MTMR1: variants seen among roughly 807,000 people sequenced by gnomAD.
MTMR1 encodes phosphatidylinositol-3-phosphate phosphatase MTMR1.
Under a neutral mutation model 51.6 loss-of-function variants are expected in MTMR1, and 17 were observed. The ratio of observed to expected loss-of-function variants is 0.33; its 90% CI spans 0.23 to 0.49. MTMR1 has a LOEUF of 0.49. Among genes scored for constraint, MTMR1 ranks in the 20% least tolerant of loss-of-function variants. The pLI, the probability that MTMR1 is intolerant of heterozygous loss-of-function variation, is 0.99. For synonymous variants in MTMR1, 201 were observed against 205.6 expected (o/e 0.98, Z 0.19); for missense variants, 386 against 526.9 (o/e 0.73, Z 2.62).
chrX:150,698,678 G>GCACACACACA (rs1444236629), intron 1 of MTMR1, among the ~76,000 whole-genome samples: 59 of 70,799 alleles, frequency 8.3e-4, no homozygotes, highest in South Asian at 2.7e-3. Flanking sequence ...CTACACGCGC[G>GCACACACACA]CGCACACACA....
In MTMR1 at chrX:150,745,099, C is replaced by T. The variant is rs193047861; in HGVS notation, c.1566+646C>T. Among the ~76,000 whole-genome samples, 3 of 112,634 alleles carry T rather than the reference C, an allele frequency of 2.7e-5. No homozygotes were observed. In the East Asian group the frequency reaches 8.4e-4, roughly 31 times the overall value. On this transcript the variant is annotated intron_variant, in intron 13 of 15. Transcript: ENST00000445323. ...GTAGGCCATAAGGCCATAGTTCCTGCACTGTTTTGTTGTCGTTGTTTTCCC... is the reference window on the plus strand; with the variant it reads ...GTAGGCCATAAGGCCATAGTTCCTGTACTGTTTTGTTGTCGTTGTTTTCCC...
At chrX:150,750,381 T>A (rs921988723) in intron 13 of MTMR1, among the ~76,000 whole-genome samples, 1 of 112,059 alleles carries the variant, frequency 8.9e-6, no homozygotes, top group Non-Finnish European at 1.9e-5. Flanking sequence ...CAGTACTGCC[T>A]GTTGCCAGTG....
In MTMR1 at chrX:150,757,817, G is replaced by A. The variant is rs182310251; in HGVS notation, c.1857+1952G>A. Reference sequence around the variant, plus strand: ...CTTGTGCTGCCCTGGAGCCTTTCCCGTTGAGCGCCCTCTTCCCTGCTCACC... The same window carrying A: ...CTTGTGCTGCCCTGGAGCCTTTCCCATTGAGCGCCCTCTTCCCTGCTCACC... On this transcript the variant is annotated intron_variant, in intron 15 of 15. Transcript: ENST00000445323. 5.7e-3 allele frequency among the ~76,000 whole-genome samples: 642 copies of A among 111,859 alleles called. 1 individual carries two copies. The highest frequency in any genetic ancestry group is 0.032 in the Middle Eastern group (7 of 217).
chrX:150,755,228 A>G (rs2042871369), intron 14 of MTMR1, among the ~76,000 whole-genome samples: 1 of 110,756 alleles, frequency 9.0e-6, no homozygotes, highest in Non-Finnish European at 1.9e-5. Flanking sequence ...TTTTTTTTGT[A>G]GAGACAAAGT....
In MTMR1 at chrX:150,695,976, G is replaced by A. The variant is rs782437952; in HGVS notation, c.146+2300G>A. ...CCAAGGCAAACCTCAGCTTTCTAGC[G>A]TGTGGGGGCCGGATAACTGGCTGTG... On this transcript the variant is annotated intron_variant, in intron 1 of 15. Coordinates refer to ENST00000445323, the MANE Select transcript of MTMR1 (RefSeq NM_001306144.3). 4.5e-5 allele frequency among the ~76,000 whole-genome samples: 5 copies of A among 112,025 alleles called. No homozygotes were observed. The South Asian group carries it at 1.5e-3, about 33-fold the overall frequency.
chrX:150,757,218 A>G (rs782000359), intron 15 of MTMR1, among the ~76,000 whole-genome samples: 7 of 112,068 alleles, frequency 6.2e-5, no homozygotes, highest in East Asian at 2.8e-4. Context: ...ATACGTCACT[A>G]TAGTACCCCG....
chrX:150,712,363 A>G lies in MTMR1; in HGVS notation c.274A>G (p.Arg92Gly), dbSNP rs2041343097. The G allele has an allele frequency of 2.6e-6, 3 of 1,165,016 alleles. No homozygotes were observed. The highest frequency in any genetic ancestry group is 3.4e-6 in the Non-Finnish European group (3 of 871,611). ...ACAGGTTTTCAGGAGGCCTGATCTA[A>G]GGGTAAGGATATTTGGCTTTCAGCG... ...DYKVFRRPDL[R>G]ALRDGNKLAQ... is the part of the protein sequence containing the mutation. The change falls in exon 3 of 16, where the codon AGG becomes GGG. Residue 92 changes from arginine (R) to glycine (G), a missense_variant and splice_region_variant. Arg to Gly is a moderately radical substitution (Grantham distance 125). Transcript: ENST00000445323.
intron 6 of MTMR1, among the ~76,000 whole-genome samples, chrX:150,729,330 T>C (rs1422620877): frequency 8.9e-6 from 1 of 111,841 alleles, no homozygotes; most frequent in African/African-American, 3.3e-5. Flanking sequence ...CCAAGGTGTA[T>C]GTGTGTAGCC....
At chrX:150,733,210 C>A (rs1368762678) in intron 10 of MTMR1, among the ~76,000 whole-genome samples, 2 of 111,438 alleles carry the variant, frequency 1.8e-5, no homozygotes, top group Non-Finnish European at 3.8e-5. Flanking sequence ...AAAACACCTC[C>A]GTTCCCATGA....
chrX:150,765,037 T>TAATA lies in MTMR1; in HGVS notation c.*2309_*2312dup, dbSNP rs1184636818. 4 of 110,965 alleles carry TAATA rather than the reference T, an allele frequency of 3.6e-5. No individual in the cohort carries two copies. The East Asian group carries it at 1.1e-3, about 31-fold the overall frequency. The allele number at this position is 110,965 out of a possible 1,213,427, so 9.1% of individuals were successfully genotyped here. ...ATGTTTACTGTGCGTCAAGCACAGTTAATATATGATGATGTAAAGTAACTA... is the reference window on the plus strand; with the variant it reads ...ATGTTTACTGTGCGTCAAGCACAGTTAATAAATATATGATGATGTAAAGTAACTA... On this transcript the variant is annotated 3_prime_UTR_variant, in exon 16 of 16. Transcript: ENST00000445323.
chrX:150,744,794 G>C (rs1307708378), intron 13 of MTMR1, among the ~76,000 whole-genome samples: 1 of 112,007 alleles, frequency 8.9e-6, no homozygotes, highest in Non-Finnish European at 1.9e-5. Flanking sequence ...GATTTGGCCA[G>C]ATGTTAGAAA....
At chrX:150,741,088 G>A (rs1362004698) in intron 12 of MTMR1, among the ~76,000 whole-genome samples, 1 of 111,985 alleles carries the variant, frequency 8.9e-6, no homozygotes, top group East Asian at 2.8e-4. Flanking sequence ...ACCTAGCTCT[G>A]TCTAATCCAT....
At chrX:150,755,048 G>C (rs1182287249) in intron 14 of MTMR1, among the ~76,000 whole-genome samples, 3 of 103,616 alleles carry the variant, frequency 2.9e-5, no homozygotes, top group Non-Finnish European at 5.9e-5. Flanking sequence ...AAAAAAAGGA[G>C]TCACAAAAGC....
chrX:150,709,532 A>G (rs369695043), intron 2 of MTMR1, among the ~76,000 whole-genome samples: 2 of 112,305 alleles, frequency 1.8e-5, no homozygotes, highest in South Asian at 3.7e-4. Flanking sequence ...TCACGTTGCT[A>G]TAAAGAAATA....
chrX:150,760,944 AAAAAG>A (rs2043103653), intron 15 of MTMR1, among the ~76,000 whole-genome samples: 1 of 109,365 alleles, frequency 9.1e-6, no homozygotes, highest in Non-Finnish European at 1.9e-5. Context: ...AAAAAAAAAA[AAAAAG>A]AAAAAGAAAA....
intron 15 of MTMR1, among the ~76,000 whole-genome samples, chrX:150,759,443 A>G (rs782697455): frequency 2.2e-4 from 25 of 111,421 alleles, no homozygotes; most frequent in Non-Finnish European, 3.8e-4. Context: ...AGAAAATCCA[A>G]CAGAACCATG....
In MTMR1 at chrX:150,729,784, C is replaced by T. The variant is rs184117323; in HGVS notation, c.556-325C>T. ...CTGTAATCCCAGCACTTTGGAAGGC[C>T]GAGGCAGTTGGATTACGTGAGGTCA... On this transcript the variant is annotated intron_variant, in intron 6 of 15. Transcript: ENST00000445323. 2.2e-4 allele frequency among the ~76,000 whole-genome samples: 25 copies of T among 111,353 alleles called. 1 individual carries two copies. Among genetic ancestry groups the T allele is most frequent in the African/African-American group, 7.5e-4 (23 of 30,646 alleles).
Position 150,718,615 on chromosome X carries a change from T to TGCCAGGC in MTMR1, c.277-10_277-9insGCCAGGC. ...TTTTTTTTTTTTTTTTTTTTTTTTT[T>TGCCAGGC]TTTTGCCAGGCTCTAAGGGATGGAA... is the stretch of plus-strand genomic sequence containing the variant. On this transcript the variant is annotated splice_polypyrimidine_tract_variant and intron_variant, in intron 3 of 15. Transcript: ENST00000445323. 1.4e-6 allele frequency: 1 copy of TGCCAGGC among 709,458 alleles called. No homozygotes were observed. Among genetic ancestry groups the TGCCAGGC allele is most frequent in the Non-Finnish European group, 1.9e-6 (1 of 526,666 alleles). 58.5% of individuals were successfully genotyped at this position (709,458 alleles called of 1,213,427 possible). A position where few individuals can be genotyped will look rare whatever the true frequency, so the allele number is the denominator to read the frequency against.
chrX:150,718,712 G>A lies in MTMR1; in HGVS notation c.352+12G>A. The A allele has an allele frequency of 8.8e-7, 1 of 1,142,601 alleles. No individual in the cohort carries two copies. Among genetic ancestry groups the A allele is most frequent in the Non-Finnish European group, 1.2e-6 (1 of 857,482 alleles). The allele number at this position is 1,142,601 out of a possible 1,213,427, so 94.2% of individuals were successfully genotyped here. A position where few individuals can be genotyped will look rare whatever the true frequency, so the allele number is the denominator to read the frequency against. On this transcript the variant is annotated intron_variant, in intron 4 of 15. Coordinates refer to ENST00000445323, the MANE Select transcript of MTMR1 (RefSeq NM_001306144.3). ...AATTAAAGCCATTGGTAAGTTTAGT[G>A]TGTACACTTCGCTTTTTGAGATCCA...
Sources: allele counts gnomAD v4.1 joint callset (sites outside exome capture counted in the v4.1 genomes callset), GRCh38; gene constraint gnomAD v4.1.1; transcripts MANE v1.5; gene names NCBI Gene and HGNC (gene_info 2026-07-23, HGNC 2026-07-21).